COL5A3: variants seen among roughly 807,000 people sequenced by gnomAD.
The protein encoded by COL5A3 is collagen alpha-3(V) chain.
In COL5A3, 172 loss-of-function variants were observed where a neutral mutation model predicts 250.0. The observed-to-expected ratio is 0.69, with a 90% CI of 0.61 to 0.78. The LOEUF (loss-of-function observed/expected upper bound fraction) is 0.78. Among genes scored for constraint, COL5A3 ranks in the 30% least tolerant of loss-of-function variants. The pLI is 0.00. For synonymous variants in COL5A3, 937 were observed against 900.4 expected (o/e 1.04, Z -0.73); for missense variants, 2,340 against 2,334.4 (o/e 1.00, Z -0.05).
At chr19:9,999,228 T>C (rs1162204846) in intron 8 of COL5A3, among the ~76,000 whole-genome samples, 2 of 150,092 alleles carry the variant, frequency 1.3e-5, no homozygotes, top group Admixed American at 6.7e-5. Context: ...GGTCACTCTA[T>C]TGCCCAGGCT....
At chr19:9,999,154 T>TCCTC (rs1161950152) in intron 8 of COL5A3, among the ~76,000 whole-genome samples, 1 of 148,618 alleles carries the variant, frequency 6.7e-6, no homozygotes, top group East Asian at 2.0e-4. Flanking sequence ...CTTCCTTCCT[T>TCCTC]CCTTCCTTCC....
chr19:10,002,393 G>T (rs1171364448), intron 6 of COL5A3, among the ~76,000 whole-genome samples: 1 of 151,876 alleles, frequency 6.6e-6, no homozygotes, highest in East Asian at 1.9e-4. Context: ...AGAAGATCTG[G>T]AACTGAGATG....
intron 35 of COL5A3, 25 bp downstream of exon 35, chr19:9,980,623 C>T (rs1190268562): frequency 1.3e-6 from 2 of 1,555,988 alleles, no homozygotes; most frequent in Admixed American, 3.4e-5. Context: ...CACATTCACA[C>T]ACACACACAC....
intron 24 of COL5A3, among the ~76,000 whole-genome samples, chr19:9,989,850 C>T (rs989160508): frequency 6.6e-6 from 1 of 152,224 alleles, no homozygotes; most frequent in Admixed American, 6.5e-5. Flanking sequence ...TCACTGCAAC[C>T]TCTTCCCAGG....
In COL5A3 at chr19:10,003,984, G is replaced by A. The variant is rs542405344; in HGVS notation, c.699+57C>T. On this transcript the variant is annotated intron_variant, in intron 5 of 66. Transcript: ENST00000264828. ...AATTCACTCTTTCTAGGGATCTGGA[G>A]CCAGGAAGGACCCAGCCTGTGTCCT... The A allele has an allele frequency of 1.0e-4, 143 of 1,382,004 alleles. 3 individuals carry two copies. The South Asian group carries it at 1.5e-3, about 15-fold the overall frequency. 85.6% of individuals were successfully genotyped at this position (1,382,004 alleles called of 1,614,324 possible).
At position 9,993,661 on chromosome 19, in the gene COL5A3, G is replaced by A. The variant is rs1328466859; in HGVS notation, c.1653C>T (p.Gly551=). The change falls in exon 18 of 67, where the codon GGC becomes GGT. Residue 551 remains glycine, a synonymous_variant. Coordinates refer to ENST00000264828, the MANE Select transcript of COL5A3 (RefSeq NM_015719.4). ...PGDTGPKGDR[G]FDGLPGLPGE... Reference sequence around the variant, plus strand: ...CAGGCAGCCCAGGGAGGCCATCGAAGCCACGATCACCCTGTCCAGAGACAC... The same window carrying A: ...CAGGCAGCCCAGGGAGGCCATCGAAACCACGATCACCCTGTCCAGAGACAC... The A allele has an allele frequency of 6.2e-7, 1 of 1,614,052 alleles. No homozygotes were observed. Among genetic ancestry groups the A allele is most frequent in the East Asian group, 2.2e-5 (1 of 44,882 alleles).
Position 10,009,846 on chromosome 19 carries a change from AC to A in COL5A3, c.88+451del, listed in dbSNP as rs375193201. 2.8e-4 allele frequency among the ~76,000 whole-genome samples: 43 copies of A among 152,074 alleles called. No individual in the cohort carries two copies. Among genetic ancestry groups the A allele is most frequent in the African/African-American group, 1.0e-3 (43 of 41,464 alleles). On this transcript the variant is annotated intron_variant, in intron 1 of 66. Coordinates refer to ENST00000264828, the MANE Select transcript of COL5A3 (RefSeq NM_015719.4). This position sits in a 1 kb window ranked among gnomAD's most constrained non-coding sequence, Gnocchi z 4.4. ...GCGGCACTCAGAGACACACAATCAC[AC>A]GCATAACCACTCACACGGTTACCCT...
rs1180548614 is a variant in COL5A3, at chr19:9,993,686, C to T, written c.1642-14G>A. On this transcript the variant is annotated splice_polypyrimidine_tract_variant and intron_variant, in intron 17 of 66. Transcript: ENST00000264828. Reference sequence around the variant, plus strand: ...GCCACGATCACCCTGTCCAGAGACACCAGTGAGCCTTGACCCCATAAGCCT... The same window carrying T: ...GCCACGATCACCCTGTCCAGAGACATCAGTGAGCCTTGACCCCATAAGCCT... The T allele has an allele frequency of 1.9e-6, 3 of 1,614,102 alleles. No homozygotes were observed. The highest frequency in any genetic ancestry group is 1.1e-5 in the South Asian group (1 of 91,078).
In COL5A3 at chr19:10,005,710, G is replaced by A. The variant is rs781266876; in HGVS notation, c.442C>T (p.His148Tyr). ...QQVNLTDGRW[H>Y]RVAVSIDGEM... Reference sequence around the variant, plus strand: ...CCATCTATGCTGACGGCCACACGGTGCCACCTGCAAGGGGACGGCCTCAGT... The same window carrying A: ...CCATCTATGCTGACGGCCACACGGTACCACCTGCAAGGGGACGGCCTCAGT... Residue 148 changes from histidine to tyrosine, a missense_variant, in exon 4 of 67, where the codon CAC becomes TAC. This residue lies in a region of COL5A3 where 1,152 missense variants were observed against 1,146.3 expected (regional missense o/e 1.00). Transcript: ENST00000264828. 8.7e-6 allele frequency: 14 copies of A among 1,606,336 alleles called. No individual in the cohort carries two copies. The highest frequency in any genetic ancestry group is 1.2e-5 in the Non-Finnish European group (14 of 1,174,436).
At position 9,973,687 on chromosome 19, in the gene COL5A3, G is replaced by T. The variant is rs373777109; in HGVS notation, c.3613-64C>A. 259 of 1,611,378 alleles carry T rather than the reference G, an allele frequency of 1.6e-4. No individual in the cohort carries two copies. In the African/African-American group the frequency reaches 3.1e-3, roughly 20 times the overall value. ...CTAGCAGACAGGGAGGGGCTCCCCA[G>T]AATGTCCCTGCCCAATAGGACTAGA... On this transcript the variant is annotated intron_variant, in intron 49 of 66. Coordinates refer to ENST00000264828, the MANE Select transcript of COL5A3 (RefSeq NM_015719.4).
chr19:9,981,404 T>G (rs527868635), intron 32 of COL5A3, among the ~76,000 whole-genome samples: 1 of 152,312 alleles, frequency 6.6e-6, no homozygotes, highest in South Asian at 2.1e-4. Flanking sequence ...AGCTGTGCAG[T>G]ATGCATACAT....
At chr19:9,961,651 C>T (rs549161406) in intron 65 of COL5A3, among the ~76,000 whole-genome samples, 33 of 151,450 alleles carry the variant, frequency 2.2e-4, no homozygotes, top group African/African-American at 7.5e-4. Flanking sequence ...CTCCGCCTCC[C>T]GGGTTCACGC....
chr19:9,990,317 C>T (rs1448940481), intron 24 of COL5A3, among the ~76,000 whole-genome samples: 1 of 148,056 alleles, frequency 6.8e-6, no homozygotes, highest in Non-Finnish European at 1.5e-5. Flanking sequence ...TCACTTGAAC[C>T]CGGGAGGTGG....
At position 9,960,643 on chromosome 19, in the gene COL5A3, C is replaced by G; in HGVS notation, c.5091+8G>C. The G allele has an allele frequency of 2.5e-6, 4 of 1,613,902 alleles. No individual in the cohort carries two copies. The South Asian group carries it at 3.3e-5, about 13-fold the overall frequency. On this transcript the variant is annotated splice_region_variant and intron_variant, in intron 66 of 66. Coordinates refer to ENST00000264828, the MANE Select transcript of COL5A3 (RefSeq NM_015719.4). ...CCTCTCTAGCTGGCCACTGCCCCAC[C>G]CTCTTACCCGGCAGCCATCCTGGGG...
rs764472365 is a variant in COL5A3 at position 10,005,605 on chromosome 19, C to T, written c.547G>A (p.Gly183Arg). Reference sequence around the variant, plus strand: ...TCCTGGGTCCCCAGCACAGTGAGTCCAGCTATGCTGATGAAGCGGGGGCCA... The same window carrying T: ...TCCTGGGTCCCCAGCACAGTGAGTCTAGCTATGCTGATGAAGCGGGGGCCA... ...GHGPRFISIAGLTVLGTQDLG... is the reference protein window; with the variant it reads ...GHGPRFISIARLTVLGTQDLG... Residue 183 changes from glycine to arginine, a missense_variant, in exon 4 of 67, where the codon GGA becomes AGA. Transcript: ENST00000264828. The T allele has an allele frequency of 2.5e-6, 4 of 1,614,006 alleles. No homozygotes were observed. Among genetic ancestry groups the T allele is most frequent in the Non-Finnish European group, 3.4e-6 (4 of 1,180,002 alleles).
Position 9,960,400 on chromosome 19 carries a change from C to T in COL5A3, c.*11G>A, listed in dbSNP as rs369236503. On this transcript the variant is annotated 3_prime_UTR_variant, in exon 67 of 67. Transcript: ENST00000264828. ...GGGGCTCCCTCATGGTCCCTCCCAC[C>T]CCGGACACTCTCAGCTGCTGAAGCA... is the stretch of plus-strand genomic sequence containing the variant. The T allele has an allele frequency of 5.6e-6, 9 of 1,613,974 alleles. No homozygotes were observed. The African/African-American group carries it at 1.2e-4, about 22-fold the overall frequency.
chr19:10,001,538 A>G lies in COL5A3; in HGVS notation c.1096T>C (p.Phe366Leu). 1 of 1,614,100 alleles carries G rather than the reference A, an allele frequency of 6.2e-7. No homozygotes were observed. ...RAAEYPSRTQ[F>L]QIFPGAGEKG... ...TAGAAACTCACAGGAAAGATCTGGAACTGAGTCCGAGATGGATATTCTGCT... is the reference window on the plus strand; with the variant it reads ...TAGAAACTCACAGGAAAGATCTGGAGCTGAGTCCGAGATGGATATTCTGCT... The change falls in exon 8 of 67, where the codon TTC becomes CTC. Residue 366 changes from phenylalanine (F) to leucine (L), a missense_variant. This residue lies in a region of COL5A3 where 1,152 missense variants were observed against 1,146.3 expected (regional missense o/e 1.00). Coordinates refer to ENST00000264828, the MANE Select transcript of COL5A3 (RefSeq NM_015719.4).
chr19:10,001,899 G>A lies in COL5A3; in HGVS notation c.850-18C>T, dbSNP rs371084909. 1 of 1,582,152 alleles carries A rather than the reference G, an allele frequency of 6.3e-7. No homozygotes were observed. The highest frequency in any genetic ancestry group is 1.7e-5 in the Admixed American group (1 of 59,730). Reference sequence around the variant, plus strand: ...GTGGAGGTCTGGAGCAGGGATGGAGGGAGCCTTGGGTCTCGGGTGAGGGCA... The same window carrying A: ...GTGGAGGTCTGGAGCAGGGATGGAGAGAGCCTTGGGTCTCGGGTGAGGGCA... On this transcript the variant is annotated intron_variant, in intron 6 of 66. Coordinates refer to ENST00000264828, the MANE Select transcript of COL5A3 (RefSeq NM_015719.4).
intron 24 of COL5A3, 57 bp from the exon 25 acceptor site, chr19:9,989,579 A>G (rs192710604): frequency 1.4e-6 from 2 of 1,459,088 alleles, no homozygotes; most frequent in Non-Finnish European, 1.9e-6. Context: ...CTGGAGCACC[A>G]CTAGGATCTA....
Sources: gnomAD v4.1 joint callset for allele counts (sites outside exome capture counted in the v4.1 genomes callset) on GRCh38, gnomAD v4.1.1 for gene constraint, gnomAD v4.1.1 regional missense constraint, Gnocchi (gnomAD v3.1) non-coding constraint, MANE v1.5 for transcripts, NCBI Gene and HGNC (gene_info 2026-07-23, HGNC 2026-07-21) for gene names.